TAFA1: variants seen among roughly 807,000 people sequenced by gnomAD.
The protein encoded by TAFA1 is chemokine-like protein TAFA-1.
A neutral mutation model predicts 18.5 loss-of-function variants in TAFA1; 4 were observed. That is an observed-to-expected ratio of 0.22 (90% confidence interval 0.11 to 0.49). The LOEUF is 0.49. Ranked by LOEUF, TAFA1 falls within the 20% of genes least tolerant of loss-of-function variation. The probability of loss-of-function intolerance (pLI) is 0.98; values close to 1 mark genes in which losing one functional copy is unlikely to be tolerated. For missense variants in TAFA1, 147 were observed against 169.0 expected (o/e 0.87, Z 0.72); for synonymous variants, 56 against 55.2 (o/e 1.01, Z -0.06).
At chr3:68,501,556 AC>A (rs2106707473) in intron 3 of TAFA1, among the ~76,000 whole-genome samples, 1 of 152,346 alleles carries the variant, frequency 6.6e-6, no homozygotes, top group East Asian at 1.9e-4. Flanking sequence ...ATGTTTGTTT[AC>A]CAAATATTTA....
At chr3:68,068,813 G>T (rs781491505) in intron 2 of TAFA1, among the ~76,000 whole-genome samples, 1 of 152,136 alleles carries the variant, frequency 6.6e-6, no homozygotes. Flanking sequence ...AATAAGGATG[G>T]CCATAAAAAC....
At chr3:68,151,546 G>T (rs1303256769) in intron 2 of TAFA1, among the ~76,000 whole-genome samples, 3 of 152,146 alleles carry the variant, frequency 2.0e-5, no homozygotes, top group Non-Finnish European at 4.4e-5. Context: ...GAGGGCCTTT[G>T]TGCTGAGTCA....
intron 3 of TAFA1, among the ~76,000 whole-genome samples, chr3:68,439,913 TA>T (rs2071341318): frequency 6.6e-6 from 1 of 152,136 alleles, no homozygotes; most frequent in African/African-American, 2.4e-5. Flanking sequence ...AATAAGATCA[TA>T]ATTATGCCTA....
rs1465281234 is a variant in TAFA1 at position 68,212,148 on chromosome 3, G to A, written c.119-205132G>A. 2.0e-5 allele frequency among the ~76,000 whole-genome samples: 3 copies of A among 151,772 alleles called. No homozygotes were observed. In the East Asian group the frequency reaches 5.9e-4, roughly 30 times the overall value. ...GACTCAAGAACAACAGCCTGAGTAT[G>A]AGCCTGTAATATGAAGACGGGAAGC... On this transcript the variant is annotated intron_variant, in intron 2 of 4. Coordinates refer to ENST00000478136, the MANE Select transcript of TAFA1 (RefSeq NM_213609.4).
At chr3:68,258,800 C>T (rs1047530919) in intron 2 of TAFA1, among the ~76,000 whole-genome samples, 5 of 152,166 alleles carry the variant, frequency 3.3e-5, no homozygotes, top group African/African-American at 1.2e-4. Context: ...CTTGGGATGT[C>T]ACAGAACTGA....
intron 2 of TAFA1, among the ~76,000 whole-genome samples, chr3:68,329,216 C>CTATTTTT (rs2068824211): frequency 1.1e-5 from 1 of 88,988 alleles, no homozygotes; most frequent in East Asian, 4.3e-4. Flanking sequence ...GCCTGGCTGC[C>CTATTTTT]TTTTTTTTTT....
intron 2 of TAFA1, among the ~76,000 whole-genome samples, chr3:68,158,611 G>T (rs1463750698): frequency 6.6e-6 from 1 of 152,100 alleles, no homozygotes; most frequent in Non-Finnish European, 1.5e-5. Context: ...ATAAGGTACA[G>T]TCATTGGCTA....
At chr3:68,198,281 A>G (rs1639645242) in intron 2 of TAFA1, among the ~76,000 whole-genome samples, 1 of 151,724 alleles carries the variant, frequency 6.6e-6, no homozygotes, top group Non-Finnish European at 1.5e-5. Flanking sequence ...CCTACTGAAC[A>G]ACATCTTCAT....
chr3:68,302,006 T>G (rs2068310206), intron 2 of TAFA1, among the ~76,000 whole-genome samples: 1 of 152,226 alleles, frequency 6.6e-6, no homozygotes, highest in South Asian at 2.1e-4. Flanking sequence ...CTAGTTCTTT[T>G]GTATTAATTA....
chr3:68,340,827 A>G (rs904386814), intron 2 of TAFA1, among the ~76,000 whole-genome samples: 2 of 152,214 alleles, frequency 1.3e-5, no homozygotes, highest in Admixed American at 1.3e-4. Context: ...CAATTTAATG[A>G]GGAAGACAGA....
chr3:68,217,910 T>C (rs1471242418), intron 2 of TAFA1, among the ~76,000 whole-genome samples: 1 of 152,054 alleles, frequency 6.6e-6, no homozygotes, highest in African/African-American at 2.4e-5. Context: ...ATTATTATAA[T>C]TGAAGGGTAT....
chr3:68,085,641 G>A (rs1175354315), intron 2 of TAFA1, among the ~76,000 whole-genome samples: 1 of 152,116 alleles, frequency 6.6e-6, no homozygotes, highest in Non-Finnish European at 1.5e-5. Context: ...CTTTGAAGTG[G>A]CTTTTATTTG....
chr3:68,168,534 C>G (rs536866183), intron 2 of TAFA1, among the ~76,000 whole-genome samples: 84 of 152,300 alleles, frequency 5.5e-4, no homozygotes, highest in Non-Finnish European at 1.1e-3. Context: ...CTTCTTAATT[C>G]TATTCCAGTC....
intron 2 of TAFA1, among the ~76,000 whole-genome samples, chr3:68,286,823 G>A (rs1259594983): frequency 6.6e-6 from 1 of 152,120 alleles, no homozygotes; most frequent in Non-Finnish European, 1.5e-5. Flanking sequence ...AAACCCGTAC[G>A]GGAAATGTGA....
At chr3:68,176,667 T>C (rs1417933053) in intron 2 of TAFA1, among the ~76,000 whole-genome samples, 1 of 152,172 alleles carries the variant, frequency 6.6e-6, no homozygotes, top group Non-Finnish European at 1.5e-5. Context: ...ATTTACCACT[T>C]CTCTATTCCC....
At chr3:68,095,769 A>G (rs915743638) in intron 2 of TAFA1, among the ~76,000 whole-genome samples, 2 of 152,170 alleles carry the variant, frequency 1.3e-5, no homozygotes, top group East Asian at 1.9e-4. Flanking sequence ...AGCACTTTCC[A>G]TGCATTAATT....
chr3:68,178,085 A>G (rs1055169453), intron 2 of TAFA1, among the ~76,000 whole-genome samples: 5 of 152,136 alleles, frequency 3.3e-5, no homozygotes, highest in African/African-American at 4.8e-5. Flanking sequence ...CGGAGCTTGC[A>G]GTGAGCCAAG....
intron 2 of TAFA1, among the ~76,000 whole-genome samples, chr3:68,272,117 G>A (rs9831074): frequency 0.085 from 12,979 of 152,220 alleles, 669 homozygotes; most frequent in African/African-American, 0.14. Context: ...GCCAAAGATA[G>A]AAATCACTTT....
intron 2 of TAFA1, among the ~76,000 whole-genome samples, chr3:68,112,258 G>C (rs942741041): frequency 5.3e-5 from 8 of 152,240 alleles, no homozygotes; most frequent in African/African-American, 1.9e-4. Context: ...TGTAGAAGTA[G>C]AAATTCTAAA....
Sources: gnomAD v4.1 joint callset for allele counts (sites outside exome capture counted in the v4.1 genomes callset) on GRCh38, gnomAD v4.1.1 for gene constraint, MANE v1.5 for transcripts, NCBI Gene and HGNC (gene_info 2026-07-23, HGNC 2026-07-21) for gene names.